CTNND2: variants seen among roughly 807,000 people sequenced by gnomAD.
CTNND2 encodes catenin delta 2, also known as catenin delta-2.
In CTNND2, 22 loss-of-function variants were observed where a neutral mutation model predicts 144.4. The observed-to-expected ratio is 0.15, with a 90% confidence interval of 0.11 to 0.22. CTNND2 has a LOEUF of 0.22. CTNND2 is among the 10% of genes least tolerant of loss of function. CTNND2 has a pLI of 1.00. For synonymous variants in CTNND2, 751 were observed against 695.6 expected (o/e 1.08, Z -1.25); for missense variants, 1,353 against 1,618.8 (o/e 0.84, Z 2.82).
intron 1 of CTNND2, among the ~76,000 whole-genome samples, chr5:11,769,518 A>G (rs969535486): frequency 6.6e-5 from 10 of 152,340 alleles, no homozygotes; most frequent in African/African-American, 1.2e-4. Context: ...ACTGTAAAAC[A>G]TAACATTCTT....
intron 1 of CTNND2, among the ~76,000 whole-genome samples, chr5:11,902,501 A>G (rs1398611312): frequency 6.6e-6 from 1 of 152,166 alleles, no homozygotes; most frequent in Non-Finnish European, 1.5e-5. Flanking sequence ...TGCCCTCGGT[A>G]GCTTCAGCCC....
chr5:11,310,397 C>T (rs767884099), intron 9 of CTNND2, among the ~76,000 whole-genome samples: 1 of 151,954 alleles, frequency 6.6e-6, no homozygotes, highest in African/African-American at 2.4e-5. Context: ...CTTAGTTTCT[C>T]CCTCTGCCTT....
intron 11 of CTNND2, among the ~76,000 whole-genome samples, chr5:11,161,845 T>A (rs1758789570): frequency 6.6e-6 from 1 of 152,110 alleles, no homozygotes; most frequent in African/African-American, 2.4e-5. Context: ...CTGTATGGTA[T>A]ATATCCTTTA....
At chr5:11,101,185 A>T (rs1400300878) in intron 14 of CTNND2, among the ~76,000 whole-genome samples, 1 of 152,236 alleles carries the variant, frequency 6.6e-6, no homozygotes, top group Non-Finnish European at 1.5e-5. Flanking sequence ...CCAGACCTTT[A>T]TCTGGGTACT....
intron 9 of CTNND2, among the ~76,000 whole-genome samples, chr5:11,270,227 T>C (rs1580758432): frequency 2.6e-5 from 4 of 152,268 alleles, no homozygotes; most frequent in Admixed American, 2.6e-4. Context: ...ATTTTTCCCT[T>C]TACATTATTT....
chr5:11,625,923 G>C (rs368565650), intron 2 of CTNND2, among the ~76,000 whole-genome samples: 9 of 152,014 alleles, frequency 5.9e-5, no homozygotes, highest in African/African-American at 2.2e-4. Flanking sequence ...ATCGGTGTTT[G>C]CTACAGTTTA....
intron 3 of CTNND2, among the ~76,000 whole-genome samples, chr5:11,433,026 C>T (rs1173276094): frequency 6.6e-6 from 1 of 152,200 alleles, no homozygotes; most frequent in African/African-American, 2.4e-5. Context: ...AGGCGGATCA[C>T]GAGGTCAGAA....
intron 14 of CTNND2, among the ~76,000 whole-genome samples, chr5:11,105,746 G>T (rs182293406): frequency 6.6e-6 from 1 of 152,198 alleles, no homozygotes; most frequent in Non-Finnish European, 1.5e-5. Context: ...AATGGCAGAC[G>T]AGAGTTGCTG....
At chr5:11,698,530 C>T (rs1229246261) in intron 2 of CTNND2, among the ~76,000 whole-genome samples, 1 of 151,862 alleles carries the variant, frequency 6.6e-6, no homozygotes, top group African/African-American at 2.4e-5. Flanking sequence ...CTCGTGATCC[C>T]CCTGCCTCAG....
intron 18 of CTNND2, among the ~76,000 whole-genome samples, chr5:10,994,410 A>AGGAGG (rs1579980757): frequency 1.1e-4 from 2 of 17,904 alleles, no homozygotes; most frequent in South Asian, 9.1e-3. Context: ...GGAACGAGGA[A>AGGAGG]CGGGGCGGGG....
At chr5:11,240,559 CT>C (rs1742253410) in intron 9 of CTNND2, among the ~76,000 whole-genome samples, 3 of 106,400 alleles carry the variant, frequency 2.8e-5, no homozygotes, top group Admixed American at 9.3e-5. Flanking sequence ...AACACACACA[CT>C]CAAAACACAC....
chr5:11,889,250 A>G (rs180934289), intron 1 of CTNND2, among the ~76,000 whole-genome samples: 484 of 152,308 alleles, frequency 3.2e-3, no homozygotes, highest in Admixed American at 6.3e-3. Context: ...CTCTGAGATT[A>G]TCTACACCCA....
At chr5:11,523,767 C>T (rs530916188) in intron 3 of CTNND2, among the ~76,000 whole-genome samples, 2 of 152,178 alleles carry the variant, frequency 1.3e-5, no homozygotes, top group Admixed American at 6.5e-5. Context: ...CTTCCCTTAT[C>T]GAAACTCTGC....
chr5:11,074,406 A>G (rs983565450), intron 16 of CTNND2, among the ~76,000 whole-genome samples: 4 of 152,142 alleles, frequency 2.6e-5, no homozygotes, highest in Non-Finnish European at 5.9e-5. Context: ...TTTCAATCCT[A>G]GACTGTGGAA....
rs184692601 is a variant in CTNND2, at chr5:11,884,733, T to C, written c.37+19084A>G. Among the ~76,000 whole-genome samples, 39 of 152,294 alleles carry C rather than the reference T, an allele frequency of 2.6e-4. 1 individual carries two copies. In the East Asian group the frequency reaches 6.8e-3, roughly 26 times the overall value. ...GTAGAAAAAGTGGGTATCCTTCTCT[T>C]ACTCCAGATATTAAATAAAGCCTTT... On this transcript the variant is annotated intron_variant, in intron 1 of 21. Coordinates refer to ENST00000304623, the MANE Select transcript of CTNND2 (RefSeq NM_001332.4).
At chr5:11,026,500 G>C (rs1027204381) in intron 16 of CTNND2, among the ~76,000 whole-genome samples, 6 of 151,632 alleles carry the variant, frequency 4.0e-5, no homozygotes, top group Non-Finnish European at 8.8e-5. Flanking sequence ...TGGGACTACA[G>C]GCACATGCCA....
intron 9 of CTNND2, among the ~76,000 whole-genome samples, chr5:11,264,216 T>C (rs1745213643): frequency 6.6e-6 from 1 of 152,212 alleles, no homozygotes; most frequent in Non-Finnish European, 1.5e-5. Flanking sequence ...TTGAATTGTG[T>C]CCTTCAAAAA....
intron 9 of CTNND2, among the ~76,000 whole-genome samples, chr5:11,316,645 C>A: frequency 6.6e-6 from 1 of 150,960 alleles, no homozygotes; most frequent in Non-Finnish European, 1.5e-5. Flanking sequence ...TCCCCCTTCC[C>A]CCCACCCCAC....
intron 11 of CTNND2, among the ~76,000 whole-genome samples, chr5:11,197,382 C>T (rs373533402): frequency 6.6e-6 from 1 of 152,214 alleles, no homozygotes; most frequent in Non-Finnish European, 1.5e-5. Context: ...GACAGCATTT[C>T]GTCTAGGAGG....
Sources: gnomAD v4.1 joint callset for allele counts (sites outside exome capture counted in the v4.1 genomes callset) on GRCh38, gnomAD v4.1.1 for gene constraint, MANE v1.5 for transcripts, NCBI Gene and HGNC (gene_info 2026-07-23, HGNC 2026-07-21) for gene names.